NUP153: variants seen among roughly 807,000 people sequenced by gnomAD.
NUP153 encodes the protein nucleoporin 153.
NUP153 carries 27 observed loss-of-function variants against 134.6 expected under a neutral mutation model. The observed-to-expected ratio is 0.20, with a 90% CI of 0.15 to 0.28. NUP153 has a LOEUF of 0.28. Ranked by LOEUF, NUP153 falls within the 10% of genes least tolerant of loss-of-function variation. NUP153 has a pLI of 1.00. For missense variants in NUP153, 1,821 were observed against 1,731.3 expected (o/e 1.05, Z -0.92); for synonymous variants, 640 against 623.5 (o/e 1.03, Z -0.40).
chr6:17,636,071 C>G (rs895201506), intron 16 of NUP153, among the ~76,000 whole-genome samples: 3 of 152,164 alleles, frequency 2.0e-5, no homozygotes, highest in Admixed American at 1.3e-4. Flanking sequence ...TGGTGGCTCA[C>G]GCCTGTAATC....
chr6:17,665,175 C>A, intron 9 of NUP153, 64 bp downstream of exon 9: 1 of 1,213,250 alleles, frequency 8.2e-7, no homozygotes, highest in African/African-American at 1.5e-5. Context: ...TTATATTTTA[C>A]ATTATTTAGT....
At chr6:17,703,055 G>A (rs1363119407) in intron 1 of NUP153, among the ~76,000 whole-genome samples, 3 of 151,416 alleles carry the variant, frequency 2.0e-5, no homozygotes, top group Non-Finnish European at 2.9e-5. Context: ...AAAATTAGCC[G>A]GGCGTGGTGG....
At chr6:17,634,097 G>A (rs1326036896) in intron 16 of NUP153, among the ~76,000 whole-genome samples, 1 of 151,842 alleles carries the variant, frequency 6.6e-6, no homozygotes, top group Admixed American at 6.6e-5. Context: ...CTGCTATTCT[G>A]GTTCATGAAC....
rs753425859 is a variant in NUP153 at position 17,616,166 on chromosome 6, A to G, written c.4359T>C (p.Asn1453=). The change falls in exon 22 of 22, where the codon AAT becomes AAC. Residue 1453 remains asparagine, a synonymous_variant. Transcript: ENST00000262077. ...AAFTVGSNGK[N]VFSSSGTSFS... is the part of the protein sequence containing the mutation. ...ATGAAGTTCCAGAAGAAGAGAACAC[A>G]TTTTTCCCATTTGACCTGTGAAAAA... 3 of 1,584,502 alleles carry G rather than the reference A, an allele frequency of 1.9e-6. No individual in the cohort carries two copies. The highest frequency in any genetic ancestry group is 3.5e-5 in the Admixed American group (2 of 57,566).
chr6:17,696,970 C>G (rs1769689878), intron 1 of NUP153, among the ~76,000 whole-genome samples: 2 of 151,736 alleles, frequency 1.3e-5, no homozygotes, highest in South Asian at 4.2e-4. Flanking sequence ...ACCCAGGAGG[C>G]TGAGGCAGGA....
chr6:17,642,004 G>A (rs1030542897), intron 14 of NUP153, among the ~76,000 whole-genome samples: 1 of 151,916 alleles, frequency 6.6e-6, no homozygotes, highest in East Asian at 1.9e-4. Context: ...TTCTTTTTAA[G>A]TGTTTGCCAA....
chr6:17,670,266 A>G (rs1767820861), intron 5 of NUP153, among the ~76,000 whole-genome samples: 1 of 152,142 alleles, frequency 6.6e-6, no homozygotes, highest in Non-Finnish European at 1.5e-5. Flanking sequence ...ATGGGAGAAT[A>G]AACAGGAAAG....
At chr6:17,626,259 C>A in intron 18 of NUP153, 95 bp from the exon 19 acceptor site, 1 of 804,868 alleles carries the variant, frequency 1.2e-6, no homozygotes, top group Non-Finnish European at 2.0e-6. Flanking sequence ...TTTTCCTACC[C>A]TAGAATTCGC....
chr6:17,696,441 G>A (rs1469247826), intron 1 of NUP153, among the ~76,000 whole-genome samples: 2 of 152,102 alleles, frequency 1.3e-5, no homozygotes, highest in African/African-American at 2.4e-5. Context: ...CTTTCTGTAT[G>A]GACCTGAAAA....
At chr6:17,701,838 G>T (rs1051326256) in intron 1 of NUP153, among the ~76,000 whole-genome samples, 12 of 105,978 alleles carry the variant, frequency 1.1e-4, no homozygotes, top group South Asian at 7.7e-4. Flanking sequence ...GTCTCGGGGG[G>T]GGGGGGAAAA....
chr6:17,648,473 C>T (rs1346529641), intron 12 of NUP153, among the ~76,000 whole-genome samples: 3 of 151,964 alleles, frequency 2.0e-5, no homozygotes, highest in East Asian at 1.9e-4. Context: ...AAAAATTAGC[C>T]GGGCATGGTG....
intron 2 of NUP153, among the ~76,000 whole-genome samples, chr6:17,685,920 G>A (rs916480808): frequency 1.3e-5 from 2 of 152,074 alleles, no homozygotes; most frequent in Non-Finnish European, 2.9e-5. Flanking sequence ...GGCCAAGGCA[G>A]GAGGCTCACT....
At chr6:17,670,714 G>A (rs1302720076) in intron 5 of NUP153, among the ~76,000 whole-genome samples, 1 of 151,762 alleles carries the variant, frequency 6.6e-6, no homozygotes, top group Non-Finnish European at 1.5e-5. Context: ...TTTTTATCAT[G>A]ACTAAATGTT....
At chr6:17,643,433 C>T (rs1195827485) in intron 14 of NUP153, among the ~76,000 whole-genome samples, 5 of 152,214 alleles carry the variant, frequency 3.3e-5, no homozygotes, top group Middle Eastern at 3.2e-3. Flanking sequence ...GATTGTGCAA[C>T]TGCACTCCAG....
chr6:17,650,064 C>T (rs1361986152), intron 11 of NUP153, among the ~76,000 whole-genome samples: 1 of 152,122 alleles, frequency 6.6e-6, no homozygotes, highest in South Asian at 2.1e-4. Flanking sequence ...AAAGAACAAA[C>T]AAAATGAGTT....
intron 1 of NUP153, 144 bp from the exon 2 acceptor site, chr6:17,688,762 A>G (rs1027664471): frequency 3.2e-6 from 2 of 619,098 alleles, no homozygotes; most frequent in African/African-American, 3.7e-5. Flanking sequence ...TACTGCTAAC[A>G]TAATGGTTTT....
intron 1 of NUP153, among the ~76,000 whole-genome samples, chr6:17,697,764 G>A (rs1401905206): frequency 1.3e-5 from 2 of 151,100 alleles, no homozygotes; most frequent in African/African-American, 4.9e-5. Flanking sequence ...CAGCTGGGGT[G>A]GGGGAAGGCT....
At position 17,658,611 on chromosome 6, in the gene NUP153, A is replaced by T. The variant is rs559111971; in HGVS notation, c.1395+3042T>A. ...TAAACTACACAAGAAGTTGCCAAAG[A>T]ACTCAACGTTAGCCATTCTATGGTC... On this transcript the variant is annotated intron_variant, in intron 11 of 21. Transcript: ENST00000262077. Among the ~76,000 whole-genome samples the T allele has an allele frequency of 1.6e-3, 244 of 152,342 alleles. 2 individuals are homozygous for T. Among genetic ancestry groups the T allele is most frequent in the Admixed American group, 3.7e-3 (56 of 15,300 alleles).
At chr6:17,660,122 A>C (rs1561882782) in intron 11 of NUP153, among the ~76,000 whole-genome samples, 2 of 152,222 alleles carry the variant, frequency 1.3e-5, no homozygotes, top group Non-Finnish European at 2.9e-5. Flanking sequence ...AAGCATAGTT[A>C]AAAGGAAGCA....
Sources: allele counts gnomAD v4.1 joint callset (sites outside exome capture counted in the v4.1 genomes callset), GRCh38; gene constraint gnomAD v4.1.1; transcripts MANE v1.5; gene names NCBI Gene and HGNC (gene_info 2026-07-23, HGNC 2026-07-21).